The following SHPRH variants were observed in gnomAD, a reference collection of about 807,000 sequenced individuals.
SHPRH encodes the protein SNF2 histone linker PHD RING helicase.
A neutral mutation model predicts 202.5 loss-of-function variants in SHPRH; 106 were observed. The ratio of observed to expected loss-of-function variants is 0.52; its 90% CI spans 0.45 to 0.62. SHPRH has a LOEUF of 0.62. Ranked by LOEUF, SHPRH falls within the 20% of genes least tolerant of loss-of-function variation. The pLI, the probability that SHPRH is intolerant of heterozygous loss-of-function variation, is 0.00. For missense variants in SHPRH, 1,710 were observed against 2,020.0 expected, an observed-to-expected ratio of 0.85 and a Z score of 2.94; for synonymous variants, 729 against 686.0, an observed-to-expected ratio of 1.06 and a Z score of -0.98.
At chr6:145,887,710 T>C (rs958603287) in intron 29 of SHPRH, among the ~76,000 whole-genome samples, 1 of 152,062 alleles carries the variant, frequency 6.6e-6, no homozygotes, top group Non-Finnish European at 1.5e-5. Context: ...AATTTTTGTG[T>C]TTTTAGTAGA....
intron 25 of SHPRH, among the ~76,000 whole-genome samples, chr6:145,898,720 T>G (rs1782229417): frequency 1.3e-5 from 2 of 152,154 alleles, no homozygotes; most frequent in Admixed American, 1.3e-4. Flanking sequence ...GCTACCCCTA[T>G]GACCTCCGCC....
intron 25 of SHPRH, chr6:145,909,183 C>G (rs184002901): frequency 2.0e-5 from 3 of 152,204 alleles, no homozygotes; most frequent in African/African-American, 7.2e-5. Flanking sequence ...ATGCCTCCAG[C>G]TTTGTTCTTT....
intron 16 of SHPRH, 132 bp downstream of exon 16, chr6:145,926,072 C>G (rs953672544): frequency 1.2e-6 from 1 of 854,008 alleles, no homozygotes; most frequent in Non-Finnish European, 1.8e-6. Context: ...CAACAAAATT[C>G]GAAACATCAA....
intron 25 of SHPRH, among the ~76,000 whole-genome samples, chr6:145,897,155 T>C (rs1472248649): frequency 6.6e-6 from 1 of 151,624 alleles, no homozygotes; most frequent in Non-Finnish European, 1.5e-5. Context: ...ACCCTTTAGG[T>C]AGACTAAGAA....
chr6:145,921,507 T>C (rs1784424953), intron 20 of SHPRH, 115 bp from the exon 21 acceptor site: 4 of 991,452 alleles, frequency 4.0e-6, no homozygotes, highest in Non-Finnish European at 5.8e-6. Context: ...CAAAGCAACC[T>C]TGAAAAAGCT....
intron 11 of SHPRH, among the ~76,000 whole-genome samples, chr6:145,940,129 A>T (rs1230163605): frequency 6.6e-6 from 1 of 152,178 alleles, no homozygotes; most frequent in Non-Finnish European, 1.5e-5. Context: ...GGATCATTTC[A>T]ATGCACGTGT....
In SHPRH at chr6:145,894,131, G is replaced by C. The variant is rs1781802865; in HGVS notation, c.4695+19C>G. 7 of 1,573,508 alleles carry C rather than the reference G, an allele frequency of 4.4e-6. No individual in the cohort carries two copies. The highest frequency in any genetic ancestry group is 3.9e-5 in the Admixed American group (2 of 51,806). On this transcript the variant is annotated intron_variant, in intron 27 of 29. Transcript: ENST00000275233. ...GCAACTGTATCCACTACAAAAACCG[G>C]AGTAAAATCTTAACATACCTGAAAT...
Position 145,886,704 on chromosome 6 carries a change from T to C in SHPRH, c.5039A>G (p.Glu1680Gly), listed in dbSNP as rs541439740. 3.1e-6 allele frequency: 5 copies of C among 1,613,610 alleles called. 1 individual carries two copies. The South Asian group carries it at 4.4e-5, about 14-fold the overall frequency. ...DLADLFTKET[E>G]ELE ...ATCAAGTGTAGTTCATTCAAGCTCTTCAGTTTCTTTGGTAAATAGGTCTGC... is the reference window on the plus strand; with the variant it reads ...ATCAAGTGTAGTTCATTCAAGCTCTCCAGTTTCTTTGGTAAATAGGTCTGC... The change falls in exon 30 of 30, where the codon GAA becomes GGA. Residue 1680 changes from glutamate to glycine, a missense_variant. Physicochemically the swap from Glu to Gly is moderately conservative, Grantham distance 98. This residue lies in a region of SHPRH where 306 missense variants were observed against 479.5 expected (regional missense o/e 0.64). Coordinates refer to ENST00000275233, the MANE Select transcript of SHPRH (RefSeq NM_001042683.3).
At position 145,888,039 on chromosome 6, in the gene SHPRH, G is replaced by A. The variant is rs1399144393; in HGVS notation, c.4936C>T (p.Leu1646=). 1 of 1,612,750 alleles carries A rather than the reference G, an allele frequency of 6.2e-7. No individual in the cohort carries two copies. The highest frequency in any genetic ancestry group is 2.2e-5 in the East Asian group (1 of 44,794). Residue 1646 remains leucine (L), a synonymous_variant, in exon 29 of 30, where the codon CTG becomes TTG. Coordinates refer to ENST00000275233, the MANE Select transcript of SHPRH (RefSeq NM_001042683.3). The stretch of plus-strand genomic sequence containing the variant: ...ACCTACCTTCTCTCAGCAGTTTTCA[G>A]CATTGCCTGCATTCTTTCTTCTATT... The part of the protein sequence containing the change: ...ATIEERMQAM[L]KTAERSHTNS...
At chr6:145,954,304 T>C (rs1483393034) in intron 2 of SHPRH, among the ~76,000 whole-genome samples, 1 of 152,038 alleles carries the variant, frequency 6.6e-6, no homozygotes, top group Admixed American at 6.6e-5. Context: ...TGTGCCAGAT[T>C]AGAAAGATTA....
At chr6:145,910,986 G>A (rs1005204745) in intron 24 of SHPRH, among the ~76,000 whole-genome samples, 3 of 151,894 alleles carry the variant, frequency 2.0e-5, no homozygotes, top group South Asian at 2.1e-4. Context: ...TATCATACTC[G>A]ATATGTTCCA....
chr6:145,943,296 A>G lies in SHPRH; in HGVS notation c.2085T>C (p.Asn695=), dbSNP rs778792519. 6.2e-7 allele frequency: 1 copy of G among 1,613,670 alleles called. No homozygotes were observed. The highest frequency in any genetic ancestry group is 8.5e-7 in the Non-Finnish European group (1 of 1,179,896). Residue 695 remains asparagine (N), a synonymous_variant, in exon 9 of 30, where the codon AAT becomes AAC. Transcript: ENST00000275233. ...HAKCVNYDEK[N]LKIKPFYCPH... Reference sequence around the variant, plus strand: ...GGCAGTAAAAAGGCTTGATCTTCAGATTTTTCTCATCATAATTCACACACT... The same window carrying G: ...GGCAGTAAAAAGGCTTGATCTTCAGGTTTTTCTCATCATAATTCACACACT...
chr6:145,951,756 T>C (rs1172286742), intron 3 of SHPRH: 1 of 455,676 alleles, frequency 2.2e-6, no homozygotes, highest in African/African-American at 2.0e-5. Flanking sequence ...TATGACAATG[T>C]TCTATAATTT....
intron 3 of SHPRH, 75 bp from the exon 4 acceptor site, chr6:145,950,557 C>T (rs1787871539): frequency 7.0e-7 from 1 of 1,429,324 alleles, no homozygotes; most frequent in Admixed American, 1.8e-5. Context: ...ATTCTAAGAG[C>T]ATACAATGAA....
At position 145,950,444 on chromosome 6, in the gene SHPRH, G is replaced by A. The variant is rs1482210833; in HGVS notation, c.802C>T (p.Pro268Ser). The change falls in exon 4 of 30, where the codon CCA (proline) becomes TCA (serine). Residue 268 changes from proline to serine, a missense_variant. By Grantham distance (74) the Pro-to-Ser change is moderately conservative. Around this residue, in one of 8 missense-constraint regions of SHPRH, gnomAD observed 459 missense variants for 426.5 expected, o/e 1.08. Transcript: ENST00000275233. ...EEDEDDPESE[P>S]EGQDIDELYH... is the part of the protein sequence containing the mutation. ...AGCTCGTCAATGTCTTGTCCCTCTG[G>A]CTCACTCTCCGGATCATCTTCATCC... 6.2e-7 allele frequency: 1 copy of A among 1,613,018 alleles called. No homozygotes were observed. The highest frequency in any genetic ancestry group is 1.1e-5 in the South Asian group (1 of 91,066).
chr6:145,936,342 G>GT (rs1006004696), intron 11 of SHPRH, among the ~76,000 whole-genome samples: 1 of 151,898 alleles, frequency 6.6e-6, no homozygotes, highest in Admixed American at 6.6e-5. Flanking sequence ...TTTTCTTTTT[G>GT]TTTTTTTGAG....
In SHPRH at chr6:145,868,592, G is replaced by A. The variant is rs1189636229; in HGVS notation, c.222-4101C>T. Among the ~76,000 whole-genome samples the A allele has an allele frequency of 5.3e-5, 8 of 152,308 alleles. No homozygotes were observed. The South Asian group carries it at 1.2e-3, about 24-fold the overall frequency. ...GATGAGGTTATCAGTGTTAAGGTAC[G>A]ACACAGGAAGACAGTCAATGAAAAT... On this transcript the variant is annotated intron_variant, in intron 2 of 2. Transcript: ENST00000417762.
At chr6:145,901,824 A>G (rs1234905231) in intron 25 of SHPRH, among the ~76,000 whole-genome samples, 1 of 152,004 alleles carries the variant, frequency 6.6e-6, no homozygotes, top group Non-Finnish European at 1.5e-5. Flanking sequence ...GCACACACAC[A>G]CACCCTAATC....
chr6:145,919,538 A>C, intron 21 of SHPRH, 47 bp from the exon 22 acceptor site: 1 of 1,588,616 alleles, frequency 6.3e-7, no homozygotes, highest in Admixed American at 1.8e-5. Flanking sequence ...ATGTAATTAA[A>C]ACTGGTTAAA....
Sources: gnomAD v4.1 joint callset for allele counts (sites outside exome capture counted in the v4.1 genomes callset) on GRCh38, gnomAD v4.1.1 for gene constraint, gnomAD v4.1.1 regional missense constraint, MANE v1.5 for transcripts, NCBI Gene and HGNC (gene_info 2026-07-23, HGNC 2026-07-21) for gene names.